LMF1: variants seen among roughly 807,000 people sequenced by gnomAD.
LMF1 encodes transmembrane protein 112.
In LMF1, 68 loss-of-function variants were observed where a neutral mutation model predicts 60.6. The observed-to-expected ratio is 1.12, with a 90% CI of 0.92 to 1.37. The LOEUF (loss-of-function observed/expected upper bound fraction) is 1.37. LMF1 is among the 40% of genes most tolerant of loss of function. The pLI is 0.00. For missense variants in LMF1, 948 were observed against 767.2 expected, an observed-to-expected ratio of 1.24 and a Z score of -2.78; for synonymous variants, 418 against 324.7, an observed-to-expected ratio of 1.29 and a Z score of -3.09.
chr16:974,103 G>A (rs887060562), upstream of LMF1, among the ~76,000 whole-genome samples: 1 of 152,110 alleles, frequency 6.6e-6, no homozygotes, highest in East Asian at 1.9e-4. Flanking sequence ...GTCACCTGTC[G>A]GAATACATCA....
intron 2 of LMF1, among the ~76,000 whole-genome samples, chr16:953,211 ACACC>A (rs761234023): frequency 9.4e-4 from 102 of 108,548 alleles, no homozygotes; most frequent in Non-Finnish European, 1.4e-3. Flanking sequence ...GTCCACACAG[ACACC>A]CACCCCAAAC....
chr16:888,824 A>G (rs902239592), intron 5 of LMF1, among the ~76,000 whole-genome samples: 1 of 151,914 alleles, frequency 6.6e-6, no homozygotes, highest in Non-Finnish European at 1.5e-5. Context: ...CTACATGGGG[A>G]CCCCGGGAGA....
chr16:923,021 C>T (rs1437338882), intron 3 of LMF1, among the ~76,000 whole-genome samples: 2 of 120,568 alleles, frequency 1.7e-5, no homozygotes, highest in Admixed American at 8.3e-5. Flanking sequence ...CGTGTTGTTG[C>T]GAAGGCCCTG....
chr16:980,243 T>A (rs1036856992), intron 1 of LMF1: 2 of 168,034 alleles, frequency 1.2e-5, no homozygotes, highest in Non-Finnish European at 2.6e-5. Flanking sequence ...CTGGCTCCGG[T>A]TGTTCCCAAT....
intron 1 of LMF1, among the ~76,000 whole-genome samples, chr16:977,958 CACACCAT>C (rs1203693972): frequency 2.1e-5 from 3 of 143,206 alleles, no homozygotes; most frequent in Non-Finnish European, 4.5e-5. Flanking sequence ...ACACACACCA[CACACCAT>C]ACACACACCC....
At chr16:934,939 C>T (rs960316799) in intron 2 of LMF1, among the ~76,000 whole-genome samples, 6 of 152,298 alleles carry the variant, frequency 3.9e-5, no homozygotes, top group Non-Finnish European at 7.4e-5. Flanking sequence ...CCGCAAGAGG[C>T]GGGCAGGATG....
intron 4 of LMF1, among the ~76,000 whole-genome samples, chr16:910,682 C>G (rs550052880): frequency 2.6e-5 from 4 of 152,288 alleles, no homozygotes; most frequent in Admixed American, 2.6e-4. Flanking sequence ...CCTCCTGAAA[C>G]AGACTCAGAG....
intron 10 of LMF1, among the ~76,000 whole-genome samples, chr16:857,042 G>A (rs775132241): frequency 1.1e-4 from 17 of 152,368 alleles, no homozygotes; most frequent in African/African-American, 2.9e-4. Context: ...ACGTACCCGC[G>A]GGGCAGGCGA....
chr16:977,821 CCACA>C (rs750130083), intron 1 of LMF1, among the ~76,000 whole-genome samples: 9 of 150,664 alleles, frequency 6.0e-5, no homozygotes, highest in Admixed American at 2.0e-4. Context: ...CCAACACACA[CCACA>C]CACACACACA....
At position 879,570 on chromosome 16, in the gene LMF1, C is replaced by G. The variant is rs376162377; in HGVS notation, c.897G>C (p.Gln299His). 1.2e-6 allele frequency: 2 copies of G among 1,612,660 alleles called. No individual in the cohort carries two copies. The highest frequency in any genetic ancestry group is 1.7e-5 in the Admixed American group (1 of 59,956). ...IIHGVLQILF[Q>H]AVLIVSGNLS... ...GGCAGGGCGGGCGGCGCGGGCTCAC[C>G]TGGAACAGGATCTGCAGCACCCCGT... Residue 299 changes from glutamine (Q) to histidine (H), a missense_variant and splice_region_variant, in exon 6 of 11, where the codon CAG (glutamine) becomes CAC (histidine). Physicochemically the swap from Gln to His is conservative, Grantham distance 24. Coordinates refer to ENST00000262301, the MANE Select transcript of LMF1 (RefSeq NM_022773.4).
intron 3 of LMF1, among the ~76,000 whole-genome samples, chr16:922,129 G>A (rs989455128): frequency 9.9e-5 from 15 of 152,054 alleles, no homozygotes; most frequent in Admixed American, 2.0e-4. Context: ...GAGGGAGGGC[G>A]GCCTGGACAG....
chr16:865,850 C>T (rs1040279742), intron 10 of LMF1, among the ~76,000 whole-genome samples: 1 of 152,212 alleles, frequency 6.6e-6, no homozygotes, highest in Non-Finnish European at 1.5e-5. Flanking sequence ...CGTCTATGTC[C>T]TCTCACTTGT....
chr16:908,127 T>C (rs1447785120), intron 4 of LMF1, among the ~76,000 whole-genome samples: 1 of 152,130 alleles, frequency 6.6e-6, no homozygotes, highest in African/African-American at 2.4e-5. Context: ...TCCACATCTG[T>C]GCATATTCAA....
intron 2 of LMF1, chr16:947,434 G>A (rs923006727): frequency 2.4e-5 from 11 of 455,176 alleles, no homozygotes; most frequent in African/African-American, 8.0e-5. Flanking sequence ...GCTGTTCATC[G>A]TCAGTGAGAA....
intron 1 of LMF1, chr16:976,408 G>A (rs1230208638): frequency 2.2e-6 from 1 of 454,048 alleles, no homozygotes; most frequent in Non-Finnish European, 4.4e-6. Context: ...GTACTGCAGG[G>A]TTAGGGACAG....
chr16:964,880 G>T (rs34399638), intron 1 of LMF1, among the ~76,000 whole-genome samples: 1 of 152,280 alleles, frequency 6.6e-6, no homozygotes, highest in African/African-American at 2.4e-5. Flanking sequence ...AGCAGCTGCC[G>T]GGGAGACGCG....
intron 1 of LMF1, among the ~76,000 whole-genome samples, chr16:965,090 G>A (rs1381476415): frequency 6.6e-6 from 1 of 152,220 alleles, no homozygotes; most frequent in Admixed American, 6.5e-5. Context: ...AGCAAGAAAA[G>A]CCCCTCCGTT....
At chr16:952,955 G>A (rs868292041) in intron 2 of LMF1, among the ~76,000 whole-genome samples, 1,113 of 44,368 alleles carry the variant, frequency 0.025, 32 homozygotes, top group South Asian at 0.051. Flanking sequence ...CCTCCTGCAC[G>A]TCCACACAGA....
chr16:885,843 G>A (rs1442932930), intron 5 of LMF1, among the ~76,000 whole-genome samples: 2 of 152,180 alleles, frequency 1.3e-5, no homozygotes, highest in South Asian at 2.1e-4. Flanking sequence ...ACGTACAGAA[G>A]AGTTGAAAAA....
Sources: gnomAD v4.1 joint callset for allele counts (sites outside exome capture counted in the v4.1 genomes callset) on GRCh38, gnomAD v4.1.1 for gene constraint, MANE v1.5 for transcripts, NCBI Gene and HGNC (gene_info 2026-07-23, HGNC 2026-07-21) for gene names.